Variants in ZNF407 observed in about 807,000 individuals in gnomAD.
ZNF407 encodes zinc finger protein 407.
ZNF407 carries 17 observed loss-of-function variants against 131.2 expected under a neutral mutation model. The observed-to-expected ratio is 0.13, with a 90% CI of 0.09 to 0.19. ZNF407 has a LOEUF of 0.19. Ranked by LOEUF, ZNF407 falls within the 10% of genes least tolerant of loss-of-function variation. The probability of loss-of-function intolerance (pLI) is 1.00; values close to 1 mark genes in which losing one functional copy is unlikely to be tolerated. For synonymous variants in ZNF407, 1,156 were observed against 1,062.0 expected (o/e 1.09, Z -1.72); for missense variants, 2,681 against 2,830.6 (o/e 0.95, Z 1.20).
intron 4 of ZNF407, among the ~76,000 whole-genome samples, chr18:74,860,693 G>T (rs180808591): frequency 2.8e-4 from 43 of 151,738 alleles, no homozygotes; most frequent in African/African-American, 9.9e-4. Context: ...TTTTGTTTTG[G>T]GTATCATAGT....
chr18:74,952,903 C>T (rs74856931), intron 8 of ZNF407, among the ~76,000 whole-genome samples: 5,626 of 152,180 alleles, frequency 0.037, 378 homozygotes, highest in African/African-American at 0.13. Flanking sequence ...TGACGGAACA[C>T]GAGGCCAACA....
At chr18:74,811,855 C>T (rs1362090476) in intron 4 of ZNF407, among the ~76,000 whole-genome samples, 2 of 146,448 alleles carry the variant, frequency 1.4e-5, no homozygotes, top group Non-Finnish European at 3.0e-5. Flanking sequence ...AGGGGAACAT[C>T]ACACTCTGAG....
chr18:74,622,669 C>T (rs190519381), intron 1 of ZNF407, among the ~76,000 whole-genome samples: 1 of 152,010 alleles, frequency 6.6e-6, no homozygotes, highest in African/African-American at 2.4e-5. Context: ...CTAGGAAGGG[C>T]GAAGGGTGTG....
chr18:74,622,762 T>A (rs1429521992), intron 1 of ZNF407, among the ~76,000 whole-genome samples: 3 of 151,142 alleles, frequency 2.0e-5, no homozygotes, highest in Non-Finnish European at 4.4e-5. Flanking sequence ...GAATGAATAT[T>A]TGTGTGTGAG....
chr18:75,015,062 A>G (rs1232603002), intron 8 of ZNF407, among the ~76,000 whole-genome samples: 1 of 152,074 alleles, frequency 6.6e-6, no homozygotes, highest in Admixed American at 6.6e-5. Flanking sequence ...ATAGCCAGCT[A>G]ATTTGGGGAG....
chr18:74,762,204 C>T (rs1351040959), intron 3 of ZNF407, among the ~76,000 whole-genome samples: 2 of 152,140 alleles, frequency 1.3e-5, no homozygotes, highest in East Asian at 3.9e-4. Flanking sequence ...CTGGTCTGTA[C>T]ATGCCAAGTC....
Position 74,647,552 on chromosome 18 carries a change from A to AT in ZNF407, c.4802+6439dup, listed in dbSNP as rs199659553. On this transcript the variant is annotated intron_variant, in intron 3 of 8. Coordinates refer to ENST00000299687, the MANE Select transcript of ZNF407 (RefSeq NM_017757.3). The stretch of plus-strand genomic sequence containing the variant: ...TCCTGATTTCCTTTGCCTGTTCCGT[A>AT]TTTTTTTTTCTTGTTAACCTTCCTC... Among the ~76,000 whole-genome samples, 23 of 150,884 alleles carry AT rather than the reference A, an allele frequency of 1.5e-4. No individual in the cohort carries two copies. In the East Asian group the frequency reaches 4.3e-3, roughly 28 times the overall value.
chr18:75,005,756 CTAAG>C (rs1313380891), intron 8 of ZNF407, among the ~76,000 whole-genome samples: 1 of 134,078 alleles, frequency 7.5e-6, no homozygotes, highest in African/African-American at 2.8e-5. Context: ...CATACACACT[CTAAG>C]TGAGTATCCT....
chr18:74,949,928 A>G (rs958526015), intron 8 of ZNF407, among the ~76,000 whole-genome samples: 1 of 152,192 alleles, frequency 6.6e-6, no homozygotes, highest in African/African-American at 2.4e-5. Flanking sequence ...TCAAGAAAAA[A>G]CAATACTGAT....
At chr18:74,921,945 G>A (rs1971852087) in intron 8 of ZNF407, among the ~76,000 whole-genome samples, 1 of 152,172 alleles carries the variant, frequency 6.6e-6, no homozygotes, top group Non-Finnish European at 1.5e-5. Flanking sequence ...TTGACAATAC[G>A]TGGATAGAGG....
intron 3 of ZNF407, among the ~76,000 whole-genome samples, chr18:74,661,543 T>G (rs1985715485): frequency 6.6e-6 from 1 of 151,894 alleles, no homozygotes; most frequent in South Asian, 2.1e-4. Context: ...TTATGTTTAT[T>G]AATGATATCT....
chr18:74,661,982 A>C (rs1265588189), intron 3 of ZNF407, among the ~76,000 whole-genome samples: 1 of 150,240 alleles, frequency 6.7e-6, no homozygotes, highest in Non-Finnish European at 1.5e-5. Context: ...ATTCGCGTGC[A>C]CTCTGATCCA....
At chr18:74,699,018 G>A (rs911037006) in intron 3 of ZNF407, among the ~76,000 whole-genome samples, 1 of 152,138 alleles carries the variant, frequency 6.6e-6, no homozygotes, top group Non-Finnish European at 1.5e-5. Flanking sequence ...TAATCGAAAA[G>A]CAGTGAAGAA....
rs1445706079 is a variant in ZNF407, at chr18:74,631,042, C to T, written c.23C>T (p.Pro8Leu). Residue 8 changes from proline (P) to leucine (L), a missense_variant, in exon 2 of 9, where the codon CCC becomes CTC. Pro to Leu is a moderately conservative substitution (Grantham distance 98). Transcript: ENST00000299687. ...TTAATGATGGATAGTGAGAATAAAC[C>T]CGAAAATGATGAGGATGAAAAGATA... MMDSENKPENDEDEKINK... is the reference protein window; with the variant it reads MMDSENKLENDEDEKINK... 4 of 1,610,078 alleles carry T rather than the reference C, an allele frequency of 2.5e-6. No homozygotes were observed. The highest frequency in any genetic ancestry group is 1.1e-5 in the South Asian group (1 of 90,456).
At chr18:74,678,637 T>C (rs563059379) in intron 3 of ZNF407, among the ~76,000 whole-genome samples, 10 of 152,308 alleles carry the variant, frequency 6.6e-5, no homozygotes, top group Non-Finnish European at 1.0e-4. Flanking sequence ...GTGTCTTCAG[T>C]CACACATTTT....
chr18:74,930,026 G>T (rs2959161), intron 8 of ZNF407, among the ~76,000 whole-genome samples: 1 of 152,206 alleles, frequency 6.6e-6, no homozygotes, highest in Non-Finnish European at 1.5e-5. Flanking sequence ...GCATTAATAC[G>T]TTGCCATTTT....
intron 3 of ZNF407, among the ~76,000 whole-genome samples, chr18:74,732,122 G>C (rs1158666153): frequency 6.6e-6 from 1 of 152,170 alleles, no homozygotes; most frequent in African/African-American, 2.4e-5. Context: ...GTATTTGAAT[G>C]TAGATATTTA....
At chr18:74,792,867 G>C (rs554528222) in intron 4 of ZNF407, among the ~76,000 whole-genome samples, 11 of 152,272 alleles carry the variant, frequency 7.2e-5, no homozygotes, top group Admixed American at 2.6e-4. Flanking sequence ...GGGTCACAAA[G>C]ACACGTCAAT....
intron 4 of ZNF407, among the ~76,000 whole-genome samples, chr18:74,794,414 T>C (rs74354130): frequency 4.0e-5 from 4 of 100,966 alleles, no homozygotes; most frequent in Admixed American, 9.2e-5. Flanking sequence ...GGTCACATAA[T>C]TTTTTTTTTT....
Sources: gnomAD v4.1 joint callset for allele counts (sites outside exome capture counted in the v4.1 genomes callset) on GRCh38, gnomAD v4.1.1 for gene constraint, MANE v1.5 for transcripts, NCBI Gene and HGNC (gene_info 2026-07-23, HGNC 2026-07-21) for gene names.